The following GNG7 variants were observed in gnomAD, a reference collection of about 807,000 sequenced individuals.
GNG7 encodes guanine nucleotide-binding protein G(I)/G(S)/G(O) subunit gamma-7.
Under a neutral mutation model 4.0 loss-of-function variants are expected in GNG7, and 1 was observed. The observed-to-expected ratio is 0.25, with a 90% CI of 0.09 to 1.18. The LOEUF is 1.18. Among genes scored for constraint, GNG7 ranks in the 50% most tolerant of loss-of-function variants. GNG7 has a pLI of 0.50. For synonymous variants in GNG7, 34 were observed against 36.9 expected, an observed-to-expected ratio of 0.92 and a Z score of 0.29; for missense variants, 86 against 91.9, an observed-to-expected ratio of 0.94 and a Z score of 0.26.
chr19:2,622,552 C>T (rs989045056), intron 2 of GNG7, among the ~76,000 whole-genome samples: 1 of 151,520 alleles, frequency 6.6e-6, no homozygotes, highest in African/African-American at 2.4e-5. Flanking sequence ...AGGGGGCTTC[C>T]GGGAAGGGGA....
chr19:2,683,685 A>C (rs1320489896), intron 1 of GNG7: 1 of 152,460 alleles, frequency 6.6e-6, no homozygotes, highest in Non-Finnish European at 1.5e-5. Context: ...AGATGGTGAA[A>C]GCCTGAACCG....
At chr19:2,638,953 C>A (rs993986585) in intron 2 of GNG7, among the ~76,000 whole-genome samples, 3 of 151,926 alleles carry the variant, frequency 2.0e-5, no homozygotes, top group African/African-American at 7.3e-5. Context: ...CATTTAAAAT[C>A]CTGGCCAGGT....
At position 2,658,514 on chromosome 19, in the gene GNG7, A is replaced by G. The variant is rs534314872; in HGVS notation, c.-134-12234T>C. ...CCACACCCCAAAGGCAGAGACACCC[A>G]AGTGACCACCGAGAGATGAATGGAT... On this transcript the variant is annotated intron_variant, in intron 1 of 4. Transcript: ENST00000382159. Among the ~76,000 whole-genome samples, 11 of 101,458 alleles carry G rather than the reference A, an allele frequency of 1.1e-4. No homozygotes were observed. In the South Asian group the frequency reaches 3.5e-3, roughly 32 times the overall value. 66.6% of individuals were successfully genotyped at this position (101,458 alleles called of 152,430 possible).
intron 2 of GNG7, among the ~76,000 whole-genome samples, chr19:2,607,562 TAAAA>T (rs57077280): frequency 1.1e-3 from 120 of 110,540 alleles, no homozygotes; most frequent in Middle Eastern, 4.9e-3. Flanking sequence ...ACTAAAATGG[TAAAA>T]AAAAAAAAAA....
At chr19:2,558,763 CTTTT>C (rs1286482187) in intron 2 of GNG7, among the ~76,000 whole-genome samples, 5 of 149,998 alleles carry the variant, frequency 3.3e-5, no homozygotes, top group Non-Finnish European at 7.4e-5. Context: ...CTCTTTCTTT[CTTTT>C]TTCTTTCTTT....
intron 1 of GNG7, among the ~76,000 whole-genome samples, chr19:2,681,462 C>T (rs973567766): frequency 6.6e-6 from 1 of 152,154 alleles, no homozygotes; most frequent in Non-Finnish European, 1.5e-5. Context: ...GGATTGCAGG[C>T]GTGAGCAACC....
At chr19:2,515,659 C>A (rs936833987) in intron 4 of GNG7, among the ~76,000 whole-genome samples, 1 of 151,922 alleles carries the variant, frequency 6.6e-6, no homozygotes, top group Non-Finnish European at 1.5e-5. Flanking sequence ...AACTCCTGAC[C>A]TCGCGATATG....
chr19:2,589,690 G>A (rs1320255418), intron 2 of GNG7, among the ~76,000 whole-genome samples: 1 of 152,082 alleles, frequency 6.6e-6, no homozygotes, highest in African/African-American at 2.4e-5. Flanking sequence ...CGCGTAGGGG[G>A]TTGTACTAAG....
At chr19:2,615,460 T>G (rs1295604804) in intron 2 of GNG7, among the ~76,000 whole-genome samples, 1 of 120,892 alleles carries the variant, frequency 8.3e-6, no homozygotes, top group Non-Finnish European at 1.7e-5. Context: ...TCCGGTTTTT[T>G]TTTTTTTTTT....
At chr19:2,600,219 A>G (rs1981157528) in intron 2 of GNG7, among the ~76,000 whole-genome samples, 1 of 151,752 alleles carries the variant, frequency 6.6e-6, no homozygotes, top group Non-Finnish European at 1.5e-5. Flanking sequence ...CATATATTTT[A>G]TATTAGGAGG....
intron 1 of GNG7, among the ~76,000 whole-genome samples, chr19:2,660,345 T>C (rs908558022): frequency 3.3e-5 from 5 of 152,190 alleles, no homozygotes; most frequent in African/African-American, 1.2e-4. Flanking sequence ...ATTCCTTCCA[T>C]TGAAGGGTTG....
intron 1 of GNG7, among the ~76,000 whole-genome samples, chr19:2,701,418 T>C (rs1913397872): frequency 6.8e-6 from 1 of 146,988 alleles, no homozygotes; most frequent in Non-Finnish European, 1.5e-5. Context: ...AACTTCCTTC[T>C]CCCTGAACCC....
intron 2 of GNG7, among the ~76,000 whole-genome samples, chr19:2,593,580 C>T (rs948889529): frequency 1.3e-5 from 2 of 151,880 alleles, no homozygotes; most frequent in Non-Finnish European, 2.9e-5. Flanking sequence ...CTCGTCTCTA[C>T]TAAAAATACA....
intron 1 of GNG7, among the ~76,000 whole-genome samples, chr19:2,673,244 C>T (rs139920702): frequency 0.059 from 8,104 of 136,826 alleles, 354 homozygotes; most frequent in Middle Eastern, 0.17. Context: ...GGTGACAGAG[C>T]GAGATTCCAT....
intron 3 of GNG7, among the ~76,000 whole-genome samples, chr19:2,528,068 G>C (rs1239196031): frequency 6.6e-6 from 1 of 151,632 alleles, no homozygotes; most frequent in African/African-American, 2.4e-5. Flanking sequence ...AGGAGTTCAA[G>C]ACCAGCCTGG....
At chr19:2,577,366 T>G (rs1451975622) in intron 2 of GNG7, among the ~76,000 whole-genome samples, 1 of 152,146 alleles carries the variant, frequency 6.6e-6, no homozygotes, top group Non-Finnish European at 1.5e-5. Flanking sequence ...CTCCCTGTGG[T>G]TGTAGGACCG....
chr19:2,516,044 A>G (rs562454173), intron 4 of GNG7, among the ~76,000 whole-genome samples: 3 of 151,658 alleles, frequency 2.0e-5, no homozygotes, highest in Non-Finnish European at 2.9e-5. Context: ...GTGAGGCCCT[A>G]TCTCTACAAA....
rs1284461340 is a variant in GNG7 at position 2,525,089 on chromosome 19, GGC to G, written c.-37-4366_-37-4365del. Among the ~76,000 whole-genome samples the G allele has an allele frequency of 3.3e-5, 5 of 152,306 alleles. No homozygotes were observed. The East Asian group carries it at 9.6e-4, about 29-fold the overall frequency. ...GGACTAAGCCAACAGCAGCAGAACT[GGC>G]CACGCACTGAGTCAGCCAGGAACGC... On this transcript the variant is annotated intron_variant, in intron 3 of 4. Coordinates refer to ENST00000382159, the MANE Select transcript of GNG7 (RefSeq NM_052847.3).
chr19:2,662,836 A>T (rs1055419791), intron 1 of GNG7, among the ~76,000 whole-genome samples: 1 of 152,168 alleles, frequency 6.6e-6, no homozygotes, highest in Non-Finnish European at 1.5e-5. Flanking sequence ...TAAAGGTTCC[A>T]GCCCTCTCAT....
Sources: allele counts gnomAD v4.1 joint callset (sites outside exome capture counted in the v4.1 genomes callset), GRCh38; gene constraint gnomAD v4.1.1; transcripts MANE v1.5; gene names NCBI Gene and HGNC (gene_info 2026-07-23, HGNC 2026-07-21).